The following SOX6 variants were observed in gnomAD, a reference collection of about 807,000 sequenced individuals.
The protein encoded by SOX6 is SRY-box transcription factor 6.
A neutral mutation model predicts 97.8 loss-of-function variants in SOX6; 11 were observed. That is an observed-to-expected ratio of 0.11 (90% confidence interval 0.07 to 0.19). The LOEUF is 0.19. Among genes scored for constraint, SOX6 ranks in the 10% least tolerant of loss-of-function variants. The pLI is 1.00. For missense variants in SOX6, 810 were observed against 1,039.5 expected (o/e 0.78, Z 3.04); for synonymous variants, 360 against 371.4 (o/e 0.97, Z 0.35).
intron 3 of SOX6, among the ~76,000 whole-genome samples, chr11:16,702,411 CA>C (rs1464385201): frequency 3.3e-5 from 5 of 152,082 alleles, no homozygotes; most frequent in Non-Finnish European, 5.9e-5. Context: ...GTCTTTTTTA[CA>C]ACAGGTAGTT....
intron 1 of SOX6, among the ~76,000 whole-genome samples, chr11:16,393,101 C>T (rs1382922193): frequency 6.6e-6 from 1 of 152,038 alleles, no homozygotes. Context: ...TTCCCTGAGA[C>T]TTTCAACTAC....
chr11:16,133,362 G>A (rs923887958), intron 6 of SOX6, among the ~76,000 whole-genome samples: 1 of 152,198 alleles, frequency 6.6e-6, no homozygotes, highest in Non-Finnish European at 1.5e-5. Context: ...GGTGGTAGGT[G>A]TATGTGACTT....
At chr11:16,107,395 GTATATATATGTATATATA>G (rs1204030696) in intron 7 of SOX6, among the ~76,000 whole-genome samples, 1 of 140,846 alleles carries the variant, frequency 7.1e-6, no homozygotes, top group Admixed American at 7.1e-5. Context: ...ACATATATAT[GTATATATATGTATATATA>G]TATACATATA....
At chr11:16,026,085 C>G (rs1004364480) in intron 12 of SOX6, among the ~76,000 whole-genome samples, 12 of 152,126 alleles carry the variant, frequency 7.9e-5, no homozygotes, top group Non-Finnish European at 1.6e-4. Flanking sequence ...TACTCTTACT[C>G]TACCAACTAT....
rs544777854 is a variant in SOX6 at position 16,235,325 on chromosome 11, TA to T, written c.446-655del. ...TTATTTGCCCCACTGTATTTCTAAA[TA>T]GCATACTAAAATACAGGGAGTAATT... On this transcript the variant is annotated intron_variant, in intron 3 of 15. Transcript: ENST00000683767. Among the ~76,000 whole-genome samples the T allele has an allele frequency of 5.6e-3, 845 of 152,176 alleles. 14 individuals are homozygous for T. Among genetic ancestry groups the T allele is most frequent in the Non-Finnish European group, 6.1e-3 (412 of 67,924 alleles).
At chr11:16,581,140 T>C (rs1848029054) in intron 4 of SOX6, among the ~76,000 whole-genome samples, 1 of 152,096 alleles carries the variant, frequency 6.6e-6, no homozygotes, top group Non-Finnish European at 1.5e-5. Context: ...TAAAAACGTA[T>C]GCACACTTAC....
chr11:16,120,791 C>A (rs2134006781), intron 6 of SOX6, among the ~76,000 whole-genome samples: 1 of 152,108 alleles, frequency 6.6e-6, no homozygotes, highest in Non-Finnish European at 1.5e-5. Flanking sequence ...GTAAAACACG[C>A]AAACAAAGCA....
intron 6 of SOX6, among the ~76,000 whole-genome samples, chr11:16,146,640 T>C (rs1362422188): frequency 1.3e-5 from 2 of 151,804 alleles, no homozygotes; most frequent in Non-Finnish European, 2.9e-5. Context: ...TACAAAGAAC[T>C]CAAACAAATT....
At chr11:16,636,271 G>A (rs1017909606) in intron 3 of SOX6, among the ~76,000 whole-genome samples, 5 of 152,192 alleles carry the variant, frequency 3.3e-5, no homozygotes, top group African/African-American at 1.2e-4. Context: ...GCAATACCTG[G>A]ATGTGAGGCA....
intron 4 of SOX6, among the ~76,000 whole-genome samples, chr11:16,498,169 T>A (rs1471658397): frequency 6.6e-6 from 1 of 152,188 alleles, no homozygotes; most frequent in Non-Finnish European, 1.5e-5. Context: ...TATTCAACAT[T>A]CTTGAAGAAA....
intron 4 of SOX6, among the ~76,000 whole-genome samples, chr11:16,533,372 A>T (rs559559838): frequency 1.3e-5 from 2 of 152,066 alleles, no homozygotes; most frequent in Admixed American, 6.6e-5. Flanking sequence ...GAATTAATAG[A>T]AATATCAATA....
chr11:16,319,031 CT>C (rs1401208153), intron 2 of SOX6, among the ~76,000 whole-genome samples: 3 of 152,078 alleles, frequency 2.0e-5, no homozygotes, highest in African/African-American at 7.2e-5. Flanking sequence ...TAAAGTTTTT[CT>C]TTTAATTGGA....
intron 3 of SOX6, among the ~76,000 whole-genome samples, chr11:16,297,827 A>G (rs1281961234): frequency 6.6e-6 from 1 of 152,184 alleles, no homozygotes; most frequent in African/African-American, 2.4e-5. Flanking sequence ...GCCAGTTTGC[A>G]CAGCCTCAGG....
intron 3 of SOX6, among the ~76,000 whole-genome samples, chr11:16,622,104 A>C (rs1316558620): frequency 6.6e-6 from 1 of 152,126 alleles, no homozygotes; most frequent in Non-Finnish European, 1.5e-5. Flanking sequence ...AATTTTATTG[A>C]AAAGCTTATG....
chr11:16,058,335 A>G (rs1189673452), intron 9 of SOX6, among the ~76,000 whole-genome samples: 1 of 151,836 alleles, frequency 6.6e-6, no homozygotes, highest in Non-Finnish European at 1.5e-5. Context: ...TTTGTTTTTA[A>G]TGTTTTCTGT....
At chr11:16,418,002 A>T (rs1422084530) in intron 1 of SOX6, among the ~76,000 whole-genome samples, 1 of 152,206 alleles carries the variant, frequency 6.6e-6, no homozygotes, top group African/African-American at 2.4e-5. Flanking sequence ...GAAATTATTT[A>T]AAAATGTACG....
At chr11:16,250,179 C>A (rs1283797825) in intron 3 of SOX6, among the ~76,000 whole-genome samples, 1 of 152,052 alleles carries the variant, frequency 6.6e-6, no homozygotes, top group Admixed American at 6.6e-5. Context: ...GGACTGAGAA[C>A]CTTATTGTGA....
intron 1 of SOX6, among the ~76,000 whole-genome samples, chr11:16,400,964 C>T (rs1380378086): frequency 6.6e-6 from 1 of 151,402 alleles, no homozygotes; most frequent in Non-Finnish European, 1.5e-5. Flanking sequence ...TTGATCTAAA[C>T]ATTATAGTCC....
intron 10 of SOX6, among the ~76,000 whole-genome samples, chr11:16,051,433 T>C (rs1344869623): frequency 1.3e-5 from 2 of 152,184 alleles, no homozygotes; most frequent in African/African-American, 4.8e-5. Context: ...TTTGATAATA[T>C]AGTGATGCCA....
Sources: gnomAD v4.1 joint callset for allele counts (sites outside exome capture counted in the v4.1 genomes callset) on GRCh38, gnomAD v4.1.1 for gene constraint, MANE v1.5 for transcripts, NCBI Gene and HGNC (gene_info 2026-07-23, HGNC 2026-07-21) for gene names.